The following GUCY1A2 variants were observed in gnomAD, a reference collection of about 807,000 sequenced individuals.
GUCY1A2 encodes guanylate cyclase soluble subunit alpha-2.
A neutral mutation model predicts 63.5 loss-of-function variants in GUCY1A2; 27 were observed. The ratio of observed to expected loss-of-function variants is 0.43; its 90% CI spans 0.31 to 0.59. GUCY1A2 has a LOEUF of 0.59. GUCY1A2 is among the 20% of genes least tolerant of loss of function. GUCY1A2 has a pLI of 0.11. For missense variants in GUCY1A2, 768 were observed against 913.3 expected (o/e 0.84, Z 2.05); for synonymous variants, 364 against 343.5 (o/e 1.06, Z -0.66).
intron 1 of GUCY1A2, among the ~76,000 whole-genome samples, chr11:106,998,945 A>T (rs531131996): frequency 6.5e-4 from 99 of 152,274 alleles, no homozygotes; most frequent in African/African-American, 2.1e-3. Context: ...GTCGCAAAGG[A>T]GATCTCCAGA....
intron 4 of GUCY1A2, among the ~76,000 whole-genome samples, chr11:106,889,210 A>C (rs1474551309): frequency 6.6e-6 from 1 of 152,174 alleles, no homozygotes; most frequent in Non-Finnish European, 1.5e-5. Context: ...GAAGACAATC[A>C]CATTATACAT....
chr11:106,854,324 AGAT>A (rs1859397537), intron 4 of GUCY1A2, among the ~76,000 whole-genome samples: 1 of 152,186 alleles, frequency 6.6e-6, no homozygotes, highest in African/African-American at 2.4e-5. Flanking sequence ...TGGAATGCCT[AGAT>A]GAGGAGTACA....
At position 106,810,448 on chromosome 11, in the gene GUCY1A2, C is replaced by T. The variant is rs773528923; in HGVS notation, c.1237G>A (p.Val413Ile). 2 of 1,609,918 alleles carry T rather than the reference C, an allele frequency of 1.2e-6. No homozygotes were observed. Among genetic ancestry groups the T allele is most frequent in the Non-Finnish European group, 1.7e-6 (2 of 1,177,030 alleles). The change falls in exon 5 of 8, where the codon GTT (valine) becomes ATT (isoleucine). Residue 413 changes from valine to isoleucine, a missense_variant. Coordinates refer to ENST00000526355, the MANE Select transcript of GUCY1A2 (RefSeq NM_000855.3). ...VMEVKGQMIH[V>I]PESNSILFLG... ...AATAAAATGGAATTTGATTCTGGAA[C>T]ATGGATCATTTGTCCTTTGACTTCC...
intron 4 of GUCY1A2, among the ~76,000 whole-genome samples, chr11:106,924,999 C>T (rs556628318): frequency 6.6e-6 from 1 of 152,002 alleles, no homozygotes; most frequent in Admixed American, 6.6e-5. Context: ...AGAGCAAGAT[C>T]CTGTCTCAAA....
intron 4 of GUCY1A2, chr11:106,826,530 T>G (rs1333566656): frequency 1.2e-6 from 2 of 1,603,016 alleles, no homozygotes; most frequent in Non-Finnish European, 1.7e-6. Flanking sequence ...CTCCCATCAT[T>G]CGTCCATTTT....
intron 5 of GUCY1A2, among the ~76,000 whole-genome samples, chr11:106,784,884 G>A (rs1864529921): frequency 6.6e-6 from 1 of 152,152 alleles, no homozygotes; most frequent in South Asian, 2.1e-4. Context: ...GTGATAAAGA[G>A]TCATTAAAGT....
intron 4 of GUCY1A2, among the ~76,000 whole-genome samples, chr11:106,831,690 C>T (rs1482604550): frequency 3.3e-5 from 5 of 152,200 alleles, no homozygotes; most frequent in Non-Finnish European, 5.9e-5. Context: ...CTGGATTCCA[C>T]AGTCTCTCTC....
chr11:106,684,264 C>T lies in GUCY1A2; in HGVS notation c.*3285G>A, dbSNP rs1241319349. 2 of 184,566 alleles carry T rather than the reference C, an allele frequency of 1.1e-5. No homozygotes were observed. Among genetic ancestry groups the T allele is most frequent in the East Asian group, 1.8e-4 (2 of 11,418 alleles). The allele number at this position is 184,566 out of a possible 1,614,324, so 11.4% of individuals were successfully genotyped here. ...CCAGATCAAAGCTCACTTGATTCCA[C>T]ATAATCAGATATTAAAAGGAAAATC... On this transcript the variant is annotated 3_prime_UTR_variant, in exon 8 of 8. Transcript: ENST00000526355.
intron 4 of GUCY1A2, among the ~76,000 whole-genome samples, chr11:106,812,372 C>T (rs1289460830): frequency 6.6e-6 from 1 of 151,486 alleles, no homozygotes; most frequent in Non-Finnish European, 1.5e-5. Context: ...TTCTCCCTTG[C>T]TTCGTGGAGT....
At chr11:106,758,204 A>G (rs1223813675) in intron 6 of GUCY1A2, among the ~76,000 whole-genome samples, 1 of 152,212 alleles carries the variant, frequency 6.6e-6, no homozygotes, top group Non-Finnish European at 1.5e-5. Flanking sequence ...ACCAAGCTCC[A>G]GCATTCCAGG....
chr11:106,796,785 GGT>G, intron 5 of GUCY1A2, among the ~76,000 whole-genome samples: 1 of 152,030 alleles, frequency 6.6e-6, no homozygotes, highest in Admixed American at 6.6e-5. Context: ...GTATCTTTGT[GGT>G]GCTCTCTGTA....
chr11:107,006,517 C>T (rs879239636), intron 1 of GUCY1A2, among the ~76,000 whole-genome samples: 1 of 152,136 alleles, frequency 6.6e-6, no homozygotes, highest in Admixed American at 6.5e-5. Context: ...GCACATTCAC[C>T]AAATTATACA....
At chr11:107,017,464 A>G (rs1000678156) in intron 1 of GUCY1A2, among the ~76,000 whole-genome samples, 1 of 152,162 alleles carries the variant, frequency 6.6e-6, no homozygotes, top group African/African-American at 2.4e-5. Context: ...TCCAGGGGGA[A>G]CAGTGGTGAA....
intron 4 of GUCY1A2, chr11:106,827,443 A>T (rs576460404): frequency 6.9e-7 from 1 of 1,446,772 alleles, no homozygotes; most frequent in Non-Finnish European, 9.7e-7. Context: ...CCCTAAGATC[A>T]TTATTCTTTT....
intron 6 of GUCY1A2, among the ~76,000 whole-genome samples, chr11:106,713,496 C>CTTTTTTTTTTT (rs143909145): frequency 3.8e-5 from 3 of 78,354 alleles, no homozygotes; most frequent in African/African-American, 1.7e-4. Context: ...TAGTATGTTT[C>CTTTTTTTTTTT]TTTTTTTTTT....
intron 4 of GUCY1A2, among the ~76,000 whole-genome samples, chr11:106,882,835 A>AT (rs923126338): frequency 6.6e-6 from 1 of 152,070 alleles, no homozygotes; most frequent in African/African-American, 2.4e-5. Flanking sequence ...GTCAACTTAC[A>AT]TAATAATTAG....
rs532509406 is a variant in GUCY1A2 at position 106,684,797 on chromosome 11, C to T, written c.*2752G>A. On this transcript the variant is annotated 3_prime_UTR_variant, in exon 8 of 8. Coordinates refer to ENST00000526355, the MANE Select transcript of GUCY1A2 (RefSeq NM_000855.3). ...ACACAAATTTCTTGTATCTGCCATA[C>T]TAAAATGCATGCTGTTGGTAATAGT... 2 of 209,782 alleles carry T rather than the reference C, an allele frequency of 9.5e-6. No individual in the cohort carries two copies. Among genetic ancestry groups the T allele is most frequent in the African/African-American group, 2.3e-5 (1 of 44,004 alleles). The allele number at this position is 209,782 out of a possible 1,614,324, so 13.0% of individuals were successfully genotyped here. A position where few individuals can be genotyped will look rare whatever the true frequency, so the allele number is the denominator to read the frequency against.
intron 6 of GUCY1A2, among the ~76,000 whole-genome samples, chr11:106,714,226 TA>T (rs542926731): frequency 8.9e-5 from 13 of 146,876 alleles, no homozygotes; most frequent in South Asian, 2.2e-4. Flanking sequence ...GAACAGTCAT[TA>T]AAAAAAAAAG....
At chr11:106,816,216 G>A (rs552031649) in intron 4 of GUCY1A2, among the ~76,000 whole-genome samples, 153 of 101,310 alleles carry the variant, frequency 1.5e-3, no homozygotes, top group East Asian at 4.7e-3. Context: ...AACATATACC[G>A]ACCAAATCCT....
Sources: gnomAD v4.1 joint callset for allele counts (sites outside exome capture counted in the v4.1 genomes callset) on GRCh38, gnomAD v4.1.1 for gene constraint, MANE v1.5 for transcripts, NCBI Gene and HGNC (gene_info 2026-07-23, HGNC 2026-07-21) for gene names.